ZNF462: variants seen among roughly 807,000 people sequenced by gnomAD.
ZNF462 encodes zinc finger PBX1-interacting protein.
A neutral mutation model predicts 201.9 loss-of-function variants in ZNF462; 10 were observed. The ratio of observed to expected loss-of-function variants is 0.05; its 90% CI spans 0.03 to 0.08. The LOEUF (loss-of-function observed/expected upper bound fraction) is 0.08. ZNF462 is among the 10% of genes least tolerant of loss of function. The pLI is 1.00. For synonymous variants in ZNF462, 1,227 were observed against 1,193.3 expected (o/e 1.03, Z -0.58); for missense variants, 2,523 against 3,168.3 (o/e 0.80, Z 4.89).
chr9:106,986,090 C>T lies in ZNF462; in HGVS notation c.7056+1681C>T, dbSNP rs201168021. Among the ~76,000 whole-genome samples, 175 of 152,266 alleles carry T rather than the reference C, an allele frequency of 1.1e-3. 1 individual carries two copies. In the East Asian group the frequency reaches 0.031, roughly 27 times the overall value. On this transcript the variant is annotated intron_variant, in intron 10 of 12. Transcript: ENST00000277225. ...CCTTTTTATTACAGTGTTTAAGCCT[C>T]CGGGCTGATATTTTCAGACAGAACA...
Position 107,011,772 on chromosome 9 carries a change from CAAAA to C in ZNF462, c.*747_*750del, listed in dbSNP as rs531590127. Reference sequence around the variant, plus strand: ...TTAATTATTTTAGTAAAAAACAAAACAAAAAAAAGAAACAGACTTTAATTATTAG... The same window carrying C: ...TTAATTATTTTAGTAAAAAACAAAACAAAAGAAACAGACTTTAATTATTAG... On this transcript the variant is annotated 3_prime_UTR_variant, in exon 13 of 13. Transcript: ENST00000277225. The surrounding 1 kb of genome is among the most constrained non-coding windows in gnomAD (Gnocchi z 5.6). 1.3e-5 allele frequency: 2 copies of C among 151,308 alleles called. No homozygotes were observed. Among genetic ancestry groups the C allele is most frequent in the African/African-American group, 4.9e-5 (2 of 41,186 alleles). 9.4% of individuals were successfully genotyped at this position (151,308 alleles called of 1,614,324 possible).
chr9:106,916,918 T>A (rs546781774), intron 1 of ZNF462, among the ~76,000 whole-genome samples: 2 of 152,324 alleles, frequency 1.3e-5, no homozygotes, highest in South Asian at 4.1e-4. Context: ...GACAATGAAG[T>A]CTAAAGCTAC....
intron 10 of ZNF462, among the ~76,000 whole-genome samples, chr9:106,994,358 C>T (rs1465450458): frequency 6.6e-6 from 1 of 152,026 alleles, no homozygotes; most frequent in Non-Finnish European, 1.5e-5. Flanking sequence ...GTGAAATCCA[C>T]AGTGGCCAAA....
At chr9:106,939,765 G>A (rs1013350359) in intron 7 of ZNF462, among the ~76,000 whole-genome samples, 2 of 152,216 alleles carry the variant, frequency 1.3e-5, no homozygotes, top group Non-Finnish European at 2.9e-5. Context: ...CCAGACCTTA[G>A]GGCCTGCAGA....
chr9:106,984,022 G>A lies in ZNF462; in HGVS notation c.6833-164G>A, dbSNP rs532746647. Among the ~76,000 whole-genome samples the A allele has an allele frequency of 6.6e-6, 1 of 152,274 alleles. No individual in the cohort carries two copies. The highest frequency in any genetic ancestry group is 2.1e-4 in the South Asian group (1 of 4,820). The stretch of plus-strand genomic sequence containing the variant: ...CCCACTCATTCCTGAGGAATATGTT[G>A]TTTGGGGGTTAGGGGAGGGGCAGGG... On this transcript the variant is annotated intron_variant, in intron 9 of 12. Coordinates refer to ENST00000277225, the MANE Select transcript of ZNF462 (RefSeq NM_021224.6). The surrounding 1 kb of genome is among the most constrained non-coding windows in gnomAD (Gnocchi z 6.4).
intron 10 of ZNF462, among the ~76,000 whole-genome samples, chr9:106,998,386 T>G (rs1054542422): frequency 6.6e-6 from 1 of 152,130 alleles, no homozygotes; most frequent in Non-Finnish European, 1.5e-5. Context: ...TAGTACAATA[T>G]GAAAATGCAT....
At chr9:106,879,308 A>G (rs893425414) in intron 1 of ZNF462, among the ~76,000 whole-genome samples, 8 of 147,966 alleles carry the variant, frequency 5.4e-5, no homozygotes, top group Non-Finnish European at 8.9e-5. Context: ...ATGCCAGTGC[A>G]GGAAGCCTAG....
rs996048823 is a variant in ZNF462, at chr9:106,935,768, GTAAAGAAAAAA to G, written c.6235+159_6235+169del. The G allele has an allele frequency of 1.2e-5, 7 of 563,854 alleles. No individual in the cohort carries two copies. Among genetic ancestry groups the G allele is most frequent in the African/African-American group, 3.8e-5 (2 of 52,132 alleles). The allele number at this position is 563,854 out of a possible 1,614,324, so 34.9% of individuals were successfully genotyped here. A position where few individuals can be genotyped will look rare whatever the true frequency, so the allele number is the denominator to read the frequency against. On this transcript the variant is annotated intron_variant, in intron 6 of 12. Coordinates refer to ENST00000277225, the MANE Select transcript of ZNF462 (RefSeq NM_021224.6). The surrounding 1 kb of genome is among the most constrained non-coding windows in gnomAD (Gnocchi z 4.1). ...GTATATTCAGTTTTATTTTTACCTA[GTAAAGAAAAAA>G]TAAAGAAAAAAGTAAAAGTTAAACA...
rs919683939 is a variant in ZNF462 at position 106,895,389 on chromosome 9, C to T, written c.-30-27965C>T. Among the ~76,000 whole-genome samples, 3 of 152,128 alleles carry T rather than the reference C, an allele frequency of 2.0e-5. No homozygotes were observed. The highest frequency in any genetic ancestry group is 7.2e-5 in the African/African-American group (3 of 41,414). On this transcript the variant is annotated intron_variant, in intron 1 of 12. Transcript: ENST00000277225. This position sits in a 1 kb window ranked among gnomAD's most constrained non-coding sequence, Gnocchi z 4.4. ...TGACCCCTCCTCTTCATCCCCAGTG[C>T]GTCGTCTGGCCCAGGCTTCCTTTAT...
At chr9:106,912,200 C>T (rs1387561759) in intron 1 of ZNF462, among the ~76,000 whole-genome samples, 1 of 152,114 alleles carries the variant, frequency 6.6e-6, no homozygotes, top group East Asian at 1.9e-4. Context: ...TGATGTTTCT[C>T]GTGGGGTAGA....
At chr9:106,969,355 G>C (rs1456848651) in intron 7 of ZNF462, among the ~76,000 whole-genome samples, 3 of 152,106 alleles carry the variant, frequency 2.0e-5, no homozygotes, top group Non-Finnish European at 4.4e-5. Flanking sequence ...TATTTCTTCA[G>C]GTTTTCCATA....
In ZNF462 at chr9:106,938,881, T is replaced by C. The variant is rs749793793; in HGVS notation, c.6236-35T>C. On this transcript the variant is annotated intron_variant, in intron 6 of 12. Transcript: ENST00000277225. This position sits in a 1 kb window ranked among gnomAD's most constrained non-coding sequence, Gnocchi z 4.4. ...GGCCTTATACCCTTCTCCCCTCTTT[T>C]TCCTGTTCTATTTCTTGTCACCATC... The C allele has an allele frequency of 1.9e-5, 29 of 1,566,474 alleles. 1 individual carries two copies. In the South Asian group the frequency reaches 3.5e-4, roughly 19 times the overall value.
chr9:106,881,240 C>T (rs1482310313), intron 1 of ZNF462, among the ~76,000 whole-genome samples: 1 of 152,150 alleles, frequency 6.6e-6, no homozygotes, highest in Non-Finnish European at 1.5e-5. Flanking sequence ...ATGTTGGGAG[C>T]AGCAGCGTGC....
intron 7 of ZNF462, among the ~76,000 whole-genome samples, chr9:106,964,008 C>CGTGTGTGTGTGT (rs111450825): frequency 1.4e-4 from 21 of 146,748 alleles, no homozygotes; most frequent in Middle Eastern, 3.5e-3. Context: ...AAATAATATT[C>CGTGTGTGTGTGT]GTGTGTGTGT....
intron 7 of ZNF462, among the ~76,000 whole-genome samples, chr9:106,965,209 T>C (rs530309880): frequency 2.6e-5 from 4 of 152,036 alleles, no homozygotes; most frequent in African/African-American, 7.2e-5. Flanking sequence ...ACTGGTGGCG[T>C]TGATTAAGGA....
chr9:106,967,770 A>G (rs1832146138), intron 7 of ZNF462, among the ~76,000 whole-genome samples: 1 of 152,080 alleles, frequency 6.6e-6, no homozygotes, highest in Non-Finnish European at 1.5e-5. Flanking sequence ...AGTTCTGGGT[A>G]TTTGCAGGGC....
chr9:106,975,499 C>T (rs1826931293), intron 9 of ZNF462: 2 of 152,234 alleles, frequency 1.3e-5, no homozygotes, highest in African/African-American at 4.8e-5. Context: ...CCTCCTCCCC[C>T]TTGCACTCTA....
In ZNF462 at chr9:106,932,876, C is replaced by T. The variant is rs545301246; in HGVS notation, c.6116+327C>T. 2 of 427,702 alleles carry T rather than the reference C, an allele frequency of 4.7e-6. No homozygotes were observed. The highest frequency in any genetic ancestry group is 4.1e-5 in the African/African-American group (2 of 48,588). 26.5% of individuals were successfully genotyped at this position (427,702 alleles called of 1,614,324 possible). A position where few individuals can be genotyped will look rare whatever the true frequency, so the allele number is the denominator to read the frequency against. On this transcript the variant is annotated intron_variant, in intron 5 of 12. Transcript: ENST00000277225. This position sits in a 1 kb window ranked among gnomAD's most constrained non-coding sequence, Gnocchi z 6.8. Reference sequence around the variant, plus strand: ...TTCAAACATTCAGCCAAAATCTAGTCATTGTTTGAGGAAGTAAAGTCCATT... The same window carrying T: ...TTCAAACATTCAGCCAAAATCTAGTTATTGTTTGAGGAAGTAAAGTCCATT...
At chr9:106,945,720 C>A (rs553480311) in intron 7 of ZNF462, among the ~76,000 whole-genome samples, 1 of 152,212 alleles carries the variant, frequency 6.6e-6, no homozygotes, top group South Asian at 2.1e-4. Flanking sequence ...AAAATGTGGC[C>A]TAAAGTTCAT....
Sources: allele counts gnomAD v4.1 joint callset (sites outside exome capture counted in the v4.1 genomes callset), GRCh38; gene constraint gnomAD v4.1.1; non-coding constraint Gnocchi (gnomAD v3.1); transcripts MANE v1.5; gene names NCBI Gene and HGNC (gene_info 2026-07-23, HGNC 2026-07-21).